The following CALD1 variants were observed in gnomAD, a reference collection of about 807,000 sequenced individuals.
CALD1 encodes caldesmon.
Under a neutral mutation model 99.9 loss-of-function variants are expected in CALD1, and 33 were observed. The observed-to-expected ratio is 0.33, with a 90% CI of 0.25 to 0.44. The LOEUF (loss-of-function observed/expected upper bound fraction) is 0.44. Among genes scored for constraint, CALD1 ranks in the 20% least tolerant of loss-of-function variants. CALD1 has a pLI of 1.00. For synonymous variants in CALD1, 310 were observed against 325.0 expected (o/e 0.95, Z 0.50); for missense variants, 861 against 962.1 (o/e 0.89, Z 1.39).
intron 4 of CALD1, among the ~76,000 whole-genome samples, chr7:134,932,507 G>A (rs1805597295): frequency 1.3e-5 from 2 of 152,218 alleles, no homozygotes; most frequent in African/African-American, 2.4e-5. Flanking sequence ...TTATTTGTAA[G>A]GTGATGCTAG....
At chr7:134,952,322 A>G (rs539504496) in intron 9 of CALD1, among the ~76,000 whole-genome samples, 3 of 152,114 alleles carry the variant, frequency 2.0e-5, no homozygotes, top group Admixed American at 6.5e-5. Context: ...AAAAAGAATC[A>G]TAGCGAGGTC....
intron 1 of CALD1, among the ~76,000 whole-genome samples, chr7:134,765,181 G>T (rs1350656204): frequency 2.0e-5 from 3 of 152,016 alleles, no homozygotes; most frequent in Non-Finnish European, 2.9e-5. Flanking sequence ...CGAGTGTGGT[G>T]GTGCACGCCT....
chr7:134,846,382 C>T (rs1586093891), intron 2 of CALD1, among the ~76,000 whole-genome samples: 1 of 152,144 alleles, frequency 6.6e-6, no homozygotes, highest in East Asian at 1.9e-4. Flanking sequence ...GTTTCCCTGC[C>T]AGACCAGAGA....
At chr7:134,738,752 T>A in the CALD1 span, among the ~76,000 whole-genome samples, 1 of 152,206 alleles carries the variant, frequency 6.6e-6, no homozygotes, top group African/African-American at 2.4e-5. Flanking sequence ...TAAAGTCCCC[T>A]CTAGACTTGT....
intron 1 of CALD1, among the ~76,000 whole-genome samples, chr7:134,751,041 C>T (rs1796681867): frequency 6.6e-6 from 1 of 152,200 alleles, no homozygotes; most frequent in Non-Finnish European, 1.5e-5. Context: ...GGTGTAACCT[C>T]AAGCTTGGTT....
chr7:134,888,588 T>C (rs1187129373), intron 3 of CALD1, among the ~76,000 whole-genome samples: 1 of 152,234 alleles, frequency 6.6e-6, no homozygotes, highest in Non-Finnish European at 1.5e-5. Context: ...TCACTTGTTA[T>C]CTCTATGCGT....
chr7:134,890,728 C>A (rs1425172241), intron 3 of CALD1, among the ~76,000 whole-genome samples: 1 of 152,194 alleles, frequency 6.6e-6, no homozygotes, highest in Admixed American at 6.5e-5. Context: ...GTTCCATTGC[C>A]CAGCTTGGCT....
chr7:134,749,483 A>T (rs1040751561), intron 1 of CALD1, among the ~76,000 whole-genome samples: 2 of 152,136 alleles, frequency 1.3e-5, no homozygotes, highest in African/African-American at 4.8e-5. Context: ...GCTGGGCATG[A>T]TGGCACATGC....
intron 1 of CALD1, among the ~76,000 whole-genome samples, chr7:134,825,981 C>G (rs553941409): frequency 3.9e-5 from 6 of 152,186 alleles, no homozygotes; most frequent in African/African-American, 1.2e-4. Flanking sequence ...CCTACACACT[C>G]TAGTTTAGCC....
chr7:134,947,789 A>G lies in CALD1; in HGVS notation c.1794+20A>G. ...GAGGAGGTAAGGCGGGCGCTAGCCC[A>G]CTGAGAACGTTGCCCGGGAAAATTC... On this transcript the variant is annotated intron_variant, in intron 8 of 14. Transcript: ENST00000361675. 6.2e-7 allele frequency: 1 copy of G among 1,602,122 alleles called. No homozygotes were observed. Among genetic ancestry groups the G allele is most frequent in the South Asian group, 1.1e-5 (1 of 90,364 alleles).
At chr7:134,937,838 A>T (rs145281841) in intron 6 of CALD1, among the ~76,000 whole-genome samples, 2 of 152,338 alleles carry the variant, frequency 1.3e-5, no homozygotes, top group East Asian at 3.9e-4. Context: ...AACTGTGGCA[A>T]TGAGTTGCAG....
At chr7:134,939,779 A>G (rs1362155164) in intron 6 of CALD1, among the ~76,000 whole-genome samples, 1 of 152,122 alleles carries the variant, frequency 6.6e-6, no homozygotes, top group Non-Finnish European at 1.5e-5. Context: ...CCTGGCCAAC[A>G]AGGTGAAACC....
chr7:134,935,416 A>C (rs1157711105), intron 5 of CALD1, among the ~76,000 whole-genome samples: 1 of 152,232 alleles, frequency 6.6e-6, no homozygotes, highest in Admixed American at 6.5e-5. Context: ...AGCAAAGTGC[A>C]CCAAACCACA....
intron 3 of CALD1, chr7:134,920,823 T>C (rs1804562860): frequency 9.2e-6 from 5 of 541,250 alleles, no homozygotes; most frequent in Non-Finnish European, 1.2e-5. Flanking sequence ...GAGTTCTTTT[T>C]CAAAATATAG....
At chr7:134,886,487 T>A (rs1801856628) in intron 3 of CALD1, among the ~76,000 whole-genome samples, 1 of 152,224 alleles carries the variant, frequency 6.6e-6, no homozygotes, top group Admixed American at 6.5e-5. Context: ...GATGTTAGGA[T>A]GTGTTAACAG....
intron 2 of CALD1, among the ~76,000 whole-genome samples, chr7:134,860,267 AT>A (rs893525853): frequency 6.6e-6 from 1 of 152,160 alleles, no homozygotes; most frequent in African/African-American, 2.4e-5. Context: ...CCATTTGTTT[AT>A]TTGGTTTTTC....
chr7:134,895,934 G>C (rs1802540616), intron 3 of CALD1, among the ~76,000 whole-genome samples: 1 of 152,146 alleles, frequency 6.6e-6, no homozygotes, highest in Admixed American at 6.5e-5. Flanking sequence ...CTGGTCACCT[G>C]CTCTGTCCTG....
At chr7:134,943,180 T>G (rs1221598912) in intron 7 of CALD1, among the ~76,000 whole-genome samples, 1 of 152,096 alleles carries the variant, frequency 6.6e-6, no homozygotes, top group Non-Finnish European at 1.5e-5. Context: ...CCGCCTAGCC[T>G]CTATTTAGGT....
chr7:134,711,668 A>ATG, the CALD1 span, among the ~76,000 whole-genome samples: 1 of 71,546 alleles, frequency 1.4e-5, no homozygotes. Flanking sequence ...CTCTATATAT[A>ATG]TATATATATA....
Sources: allele counts gnomAD v4.1 joint callset (sites outside exome capture counted in the v4.1 genomes callset), GRCh38; gene constraint gnomAD v4.1.1; transcripts MANE v1.5; gene names NCBI Gene and HGNC (gene_info 2026-07-23, HGNC 2026-07-21).